The following ZNF385D variants were observed in gnomAD, a reference collection of about 807,000 sequenced individuals.
ZNF385D encodes the protein zinc finger protein 385D.
In ZNF385D, 15 loss-of-function variants were observed where a neutral mutation model predicts 35.8. The ratio of observed to expected loss-of-function variants is 0.42; its 90% CI spans 0.28 to 0.64. ZNF385D has a LOEUF of 0.64. Among genes scored for constraint, ZNF385D ranks in the 30% least tolerant of loss-of-function variants. The pLI, the probability that ZNF385D is intolerant of heterozygous loss-of-function variation, is 0.23. For synonymous variants in ZNF385D, 212 were observed against 186.8 expected (o/e 1.13, Z -1.10); for missense variants, 474 against 494.6 (o/e 0.96, Z 0.39).
intron 5 of ZNF385D, among the ~76,000 whole-genome samples, chr3:21,430,456 A>G (rs1263977061): frequency 6.6e-6 from 1 of 152,136 alleles, no homozygotes; most frequent in East Asian, 1.9e-4. Flanking sequence ...CAAGCTGCAC[A>G]ATGGACCCTG....
intron 3 of ZNF385D, among the ~76,000 whole-genome samples, chr3:22,123,359 A>G (rs1190806960): frequency 1.3e-5 from 2 of 152,182 alleles, no homozygotes; most frequent in Admixed American, 6.5e-5. Context: ...TGGTAGATGT[A>G]TATATTTACG....
chr3:21,736,029 G>C (rs2125505188), intron 1 of ZNF385D, among the ~76,000 whole-genome samples: 1 of 152,346 alleles, frequency 6.6e-6, no homozygotes, highest in African/African-American at 2.4e-5. Context: ...CACTCAAGTT[G>C]TCTACTCAGA....
At chr3:22,027,456 T>C (rs1576179627) in intron 3 of ZNF385D, among the ~76,000 whole-genome samples, 1 of 152,150 alleles carries the variant, frequency 6.6e-6, no homozygotes, top group African/African-American at 2.4e-5. Flanking sequence ...CTTTGGCAGG[T>C]CCCCATTGAT....
chr3:22,129,336 C>A (rs563968141), intron 3 of ZNF385D, among the ~76,000 whole-genome samples: 1 of 152,280 alleles, frequency 6.6e-6, no homozygotes, highest in African/African-American at 2.4e-5. Context: ...TCCTTGGATA[C>A]TGCTGAGTTT....
At chr3:22,303,992 G>C (rs1371707083) in intron 2 of ZNF385D, among the ~76,000 whole-genome samples, 1 of 152,116 alleles carries the variant, frequency 6.6e-6, no homozygotes, top group Non-Finnish European at 1.5e-5. Context: ...TGGCCAGGCT[G>C]GTCTCGAACT....
chr3:21,461,498 A>C (rs1218208938), intron 4 of ZNF385D, among the ~76,000 whole-genome samples: 1 of 152,158 alleles, frequency 6.6e-6, no homozygotes. Context: ...CAGTGAGCCG[A>C]GCTCGTGCCA....
intron 1 of ZNF385D, among the ~76,000 whole-genome samples, chr3:21,688,968 T>A (rs2067195367): frequency 1.3e-5 from 2 of 152,150 alleles, no homozygotes; most frequent in South Asian, 4.1e-4. Context: ...GCCGTCTAGT[T>A]AAATACATAA....
chr3:21,707,935 G>A (rs918895959), intron 1 of ZNF385D, among the ~76,000 whole-genome samples: 3 of 152,272 alleles, frequency 2.0e-5, no homozygotes, highest in East Asian at 1.9e-4. Context: ...GTGGTGATGC[G>A]GAAGGAGCTC....
At chr3:22,185,948 G>T (rs935732536) in intron 2 of ZNF385D, among the ~76,000 whole-genome samples, 1 of 152,094 alleles carries the variant, frequency 6.6e-6, no homozygotes, top group Non-Finnish European at 1.5e-5. Flanking sequence ...GGCAGAAGGT[G>T]GCATGAAAGG....
chr3:21,582,589 G>T (rs960026537), intron 2 of ZNF385D, among the ~76,000 whole-genome samples: 1 of 152,062 alleles, frequency 6.6e-6, no homozygotes, highest in Non-Finnish European at 1.5e-5. Context: ...TCAGCAAGAC[G>T]TTCTCAGTTG....
At chr3:21,732,932 T>C (rs1446446242) in intron 1 of ZNF385D, among the ~76,000 whole-genome samples, 1 of 152,230 alleles carries the variant, frequency 6.6e-6, no homozygotes. Context: ...TCGTGGATCA[T>C]GGCTTGGCAT....
chr3:21,494,561 C>T (rs892058626), intron 4 of ZNF385D, among the ~76,000 whole-genome samples: 4 of 152,264 alleles, frequency 2.6e-5, no homozygotes, highest in South Asian at 2.1e-4. Context: ...GGAATCAAAA[C>T]GCCACTCAAA....
At chr3:21,597,753 A>C (rs1237279401) in intron 2 of ZNF385D, among the ~76,000 whole-genome samples, 1 of 152,166 alleles carries the variant, frequency 6.6e-6, no homozygotes, top group Non-Finnish European at 1.5e-5. Flanking sequence ...ATAAACATAA[A>C]AAGGTAGTTT....
intron 3 of ZNF385D, among the ~76,000 whole-genome samples, chr3:22,114,992 G>A (rs1702735345): frequency 6.6e-6 from 1 of 152,028 alleles, no homozygotes; most frequent in Non-Finnish European, 1.5e-5. Flanking sequence ...GCAGCCTCCA[G>A]AACTGCAAGA....
chr3:21,844,785 G>A (rs1237529322), intron 3 of ZNF385D, among the ~76,000 whole-genome samples: 3 of 151,680 alleles, frequency 2.0e-5, no homozygotes, highest in African/African-American at 7.3e-5. Context: ...ATTTAGTTTT[G>A]GAAGGCAAAA....
intron 2 of ZNF385D, among the ~76,000 whole-genome samples, chr3:22,196,246 T>C (rs573982195): frequency 2.0e-4 from 30 of 152,242 alleles, no homozygotes; most frequent in African/African-American, 7.2e-4. Context: ...CATGTAGGTT[T>C]TGAGTATTCT....
chr3:21,880,909 G>A (rs115585776), intron 3 of ZNF385D, among the ~76,000 whole-genome samples: 2 of 151,946 alleles, frequency 1.3e-5, no homozygotes, highest in African/African-American at 4.8e-5. Flanking sequence ...GATTAAACAA[G>A]CCACACCATT....
intron 3 of ZNF385D, among the ~76,000 whole-genome samples, chr3:21,553,580 G>C (rs538013761): frequency 1.2e-4 from 19 of 152,194 alleles, no homozygotes; most frequent in African/African-American, 4.3e-4. Flanking sequence ...CTGAAAATAA[G>C]ACAACAGTGA....
Position 22,101,417 on chromosome 3 carries a change from G to A in ZNF385D, c.325+67400C>T, listed in dbSNP as rs1380478502. Reference sequence around the variant, plus strand: ...TGCAAGTTCACTGACCAGGTTCCACGTGCCAATCTGTGTGCTGGATGTTCT... The same window carrying A: ...TGCAAGTTCACTGACCAGGTTCCACATGCCAATCTGTGTGCTGGATGTTCT... On this transcript the variant is annotated intron_variant, in intron 3 of 5. Coordinates refer to the ZNF385D transcript ENST00000494108. Among the ~76,000 whole-genome samples the A allele has an allele frequency of 4.6e-5, 7 of 152,070 alleles. No individual in the cohort carries two copies. In the South Asian group the frequency reaches 8.3e-4, roughly 18 times the overall value.
Sources: gnomAD v4.1 joint callset for allele counts (sites outside exome capture counted in the v4.1 genomes callset) on GRCh38, gnomAD v4.1.1 for gene constraint, MANE v1.5 for transcripts, NCBI Gene and HGNC (gene_info 2026-07-23, HGNC 2026-07-21) for gene names.